INPP4B: variants seen among roughly 807,000 people sequenced by gnomAD.
INPP4B encodes the protein inositol polyphosphate-4-phosphatase type II B.
INPP4B carries 55 observed loss-of-function variants against 122.5 expected under a neutral mutation model. The observed-to-expected ratio is 0.45, with a 90% CI of 0.36 to 0.56. The LOEUF is 0.56. INPP4B is among the 20% of genes least tolerant of loss of function. The probability of loss-of-function intolerance (pLI) is 0.00; values close to 1 mark genes in which losing one functional copy is unlikely to be tolerated. For synonymous variants in INPP4B, 403 were observed against 388.7 expected (o/e 1.04, Z -0.43); for missense variants, 1,000 against 1,097.7 (o/e 0.91, Z 1.26).
At chr4:142,539,708 T>G (rs1249489921) in intron 2 of INPP4B, among the ~76,000 whole-genome samples, 4 of 152,138 alleles carry the variant, frequency 2.6e-5, no homozygotes, top group South Asian at 4.1e-4. Flanking sequence ...ATGTTACATA[T>G]TTTGTTGTTC....
chr4:142,586,266 C>T (rs1460852359), intron 2 of INPP4B, among the ~76,000 whole-genome samples: 4 of 151,828 alleles, frequency 2.6e-5, no homozygotes, highest in African/African-American at 4.8e-5. Flanking sequence ...GAGCCAAGAT[C>T]GCTCACCACT....
chr4:142,552,568 T>C (rs1728231398), intron 2 of INPP4B, among the ~76,000 whole-genome samples: 1 of 152,110 alleles, frequency 6.6e-6, no homozygotes, highest in Non-Finnish European at 1.5e-5. Context: ...GAGTCTCATA[T>C]CACCAAAACC....
chr4:142,700,139 A>G (rs1179230385), intron 2 of INPP4B, among the ~76,000 whole-genome samples: 3 of 152,012 alleles, frequency 2.0e-5, no homozygotes, highest in Non-Finnish European at 4.4e-5. Context: ...AACCATTCCA[A>G]TCAAGCTTTG....
At chr4:142,253,713 G>A (rs984217215) in intron 11 of INPP4B, among the ~76,000 whole-genome samples, 1 of 152,358 alleles carries the variant, frequency 6.6e-6, no homozygotes, top group Admixed American at 6.5e-5. Context: ...TACGCCCACG[G>A]AGTCTGGCTG....
intron 17 of INPP4B, 151 bp from the exon 18 acceptor site, chr4:142,146,147 T>A: frequency 1.3e-6 from 1 of 798,496 alleles, no homozygotes; most frequent in Non-Finnish European, 2.0e-6. Flanking sequence ...GGTCAGACTA[T>A]GGATATATAA....
intron 2 of INPP4B, among the ~76,000 whole-genome samples, chr4:142,542,724 T>C (rs1381265673): frequency 6.6e-6 from 1 of 152,212 alleles, no homozygotes; most frequent in African/African-American, 2.4e-5. Flanking sequence ...CATATGAAGC[T>C]CATTTCCTTC....
chr4:142,628,126 G>A lies in INPP4B; in HGVS notation c.-191+97713C>T, dbSNP rs993436740. 2.6e-5 allele frequency among the ~76,000 whole-genome samples: 4 copies of A among 151,090 alleles called. No individual in the cohort carries two copies. The Admixed American group carries it at 2.7e-4, about 10-fold the overall frequency. On this transcript the variant is annotated intron_variant, in intron 2 of 25. Transcript: ENST00000262992. ...CACATGCACACGTATGTTTATTGCGGCATTATTCACAATAGCAAAGACTTG... is the reference window on the plus strand; with the variant it reads ...CACATGCACACGTATGTTTATTGCGACATTATTCACAATAGCAAAGACTTG...
chr4:142,393,947 A>T (rs373676224), intron 7 of INPP4B, among the ~76,000 whole-genome samples: 1 of 152,228 alleles, frequency 6.6e-6, no homozygotes, highest in Non-Finnish European at 1.5e-5. Context: ...TTCATTGCTC[A>T]ATTAAACTCC....
intron 25 of INPP4B, among the ~76,000 whole-genome samples, chr4:142,081,535 A>G (rs1032284493): frequency 6.6e-6 from 1 of 152,116 alleles, no homozygotes; most frequent in African/African-American, 2.4e-5. Context: ...TAACTTTAGA[A>G]AGGAGGTTAC....
At chr4:142,353,669 G>A (rs1782669741) in intron 7 of INPP4B, among the ~76,000 whole-genome samples, 1 of 151,918 alleles carries the variant, frequency 6.6e-6, no homozygotes, top group Non-Finnish European at 1.5e-5. Flanking sequence ...AGCCACTTAT[G>A]TCCATGTCCT....
At chr4:142,461,889 A>C (rs1190513015) in intron 3 of INPP4B, among the ~76,000 whole-genome samples, 1 of 152,074 alleles carries the variant, frequency 6.6e-6, no homozygotes, top group African/African-American at 2.4e-5. Context: ...CCAGGAGAGA[A>C]GACCAAATGA....
intron 2 of INPP4B, among the ~76,000 whole-genome samples, chr4:142,605,824 T>C (rs1741130579): frequency 6.6e-6 from 1 of 151,906 alleles, no homozygotes; most frequent in African/African-American, 2.4e-5. Context: ...GTACAACCAC[T>C]ATGGAAAACA....
chr4:142,738,879 G>A (rs1191795616), intron 1 of INPP4B, among the ~76,000 whole-genome samples: 2 of 152,070 alleles, frequency 1.3e-5, no homozygotes, highest in East Asian at 3.9e-4. Flanking sequence ...TATTCACAAT[G>A]TTCATCTTAA....
At chr4:142,699,031 T>C (rs1761381283) in intron 2 of INPP4B, among the ~76,000 whole-genome samples, 1 of 152,126 alleles carries the variant, frequency 6.6e-6, no homozygotes, top group Non-Finnish European at 1.5e-5. Context: ...CACTTGACCC[T>C]CAGATATCCA....
intron 23 of INPP4B, among the ~76,000 whole-genome samples, chr4:142,088,081 A>T (rs1777683982): frequency 6.6e-6 from 1 of 152,220 alleles, no homozygotes; most frequent in Admixed American, 6.5e-5. Context: ...CAAAAGAGAA[A>T]GTTTGACTGA....
At chr4:142,713,391 C>T (rs1339434953) in intron 2 of INPP4B, among the ~76,000 whole-genome samples, 2 of 152,084 alleles carry the variant, frequency 1.3e-5, no homozygotes, top group Admixed American at 6.5e-5. Flanking sequence ...TAAGTTCACC[C>T]AGAAAGAGTC....
chr4:142,245,893 C>CAT lies in INPP4B; in HGVS notation c.689-7884_689-7883dup, dbSNP rs1234011500. Among the ~76,000 whole-genome samples, 47 of 20,946 alleles carry CAT rather than the reference C, an allele frequency of 2.2e-3. 6 individuals carry two copies. The highest frequency in any genetic ancestry group is 0.016 in the East Asian group (5 of 316). The allele number at this position is 20,946 out of a possible 152,430, so 13.7% of individuals were successfully genotyped here. A position where few individuals can be genotyped will look rare whatever the true frequency, so the allele number is the denominator to read the frequency against. ...GTATACATATATATGTGTATGTATA[C>CAT]ATATATGTGTATGTATACATATATA... On this transcript the variant is annotated intron_variant, in intron 11 of 25. Transcript: ENST00000262992.
chr4:142,409,498 A>G (rs1456367479), intron 5 of INPP4B, among the ~76,000 whole-genome samples: 1 of 27,858 alleles, frequency 3.6e-5, no homozygotes, highest in Non-Finnish European at 7.4e-5. Flanking sequence ...TTCTCAAAAA[A>G]TAATAAATAA....
At chr4:142,318,998 G>T (rs1400529958) in intron 7 of INPP4B, among the ~76,000 whole-genome samples, 1 of 152,202 alleles carries the variant, frequency 6.6e-6, no homozygotes, top group Non-Finnish European at 1.5e-5. Flanking sequence ...TTGCTGTCCT[G>T]AGGGTGGGAG....
Sources: gnomAD v4.1 joint callset for allele counts (sites outside exome capture counted in the v4.1 genomes callset) on GRCh38, gnomAD v4.1.1 for gene constraint, MANE v1.5 for transcripts, NCBI Gene and HGNC (gene_info 2026-07-23, HGNC 2026-07-21) for gene names.